The following ZNF334 variants were observed in gnomAD, a reference collection of about 807,000 sequenced individuals.
ZNF334 encodes zinc finger protein 334.
Under a neutral mutation model 12.4 loss-of-function variants are expected in ZNF334, and 14 were observed. The ratio of observed to expected loss-of-function variants is 1.13; its 90% CI spans 0.74 to 1.76. The LOEUF is 1.76. Ranked by LOEUF, ZNF334 falls within the 40% of genes most tolerant of loss-of-function variation. The pLI is 0.00. For missense variants in ZNF334, 797 were observed against 804.5 expected (o/e 0.99, Z 0.11); for synonymous variants, 273 against 269.6 (o/e 1.01, Z -0.12).
intron 2 of ZNF334, among the ~76,000 whole-genome samples, chr20:46,508,723 C>T (rs11086175): frequency 0.46 from 70,026 of 152,010 alleles, 16,466 homozygotes; most frequent in East Asian, 0.62. Context: ...ATGGTAGAGA[C>T]ACTGCAACAT....
chr20:46,503,888 T>C (rs1430859415), intron 4 of ZNF334, among the ~76,000 whole-genome samples: 1 of 152,306 alleles, frequency 6.6e-6, no homozygotes, highest in South Asian at 2.1e-4. Context: ...GTCTGAAATA[T>C]AAACCAAGCC....
chr20:46,506,114 G>A (rs986523709), intron 2 of ZNF334: 2 of 382,146 alleles, frequency 5.2e-6, no homozygotes, highest in Non-Finnish European at 9.3e-6. Context: ...TTACCATGCT[G>A]TGCTTGAAGT....
chr20:46,510,639 T>C (rs367939524), intron 2 of ZNF334, among the ~76,000 whole-genome samples: 1 of 150,382 alleles, frequency 6.6e-6, no homozygotes, highest in South Asian at 2.1e-4. Context: ...GGCAGGAGAA[T>C]GGTGTGAACC....
chr20:46,489,071 G>A, the ZNF334 span, among the ~76,000 whole-genome samples: 3 of 151,978 alleles, frequency 2.0e-5, no homozygotes, highest in Non-Finnish European at 4.4e-5. Flanking sequence ...TACTGTGTTT[G>A]AGAATTTTTT....
At chr20:46,479,760 T>G in the ZNF334 span, among the ~76,000 whole-genome samples, 5 of 152,312 alleles carry the variant, frequency 3.3e-5, no homozygotes, top group South Asian at 1.0e-3. Flanking sequence ...CTTTAAGGTA[T>G]GAAAAGACAC....
rs368311272 is a variant in ZNF334 at position 46,502,724 on chromosome 20, C to G, written c.615G>C (p.Leu205Phe). Residue 205 changes from leucine to phenylalanine, a missense_variant, in exon 5 of 5, where the codon TTG (leucine) becomes TTC (phenylalanine). By Grantham distance (22) the Leu-to-Phe change is conservative. Transcript: ENST00000692313. ...NLILHQNIQI[L>F]KQPFDYNKCG... ...ATTTATTATAGTCAAACGGTTGTTT[C>G]AAAATCTGAATGTTCTGGTGCAGAA... 7.4e-6 allele frequency: 12 copies of G among 1,613,488 alleles called. No homozygotes were observed. Among genetic ancestry groups the G allele is most frequent in the Middle Eastern group, 3.3e-4 (2 of 6,082 alleles).
chr20:46,472,620 T>G, the ZNF334 span, among the ~76,000 whole-genome samples: 1 of 152,160 alleles, frequency 6.6e-6, no homozygotes, highest in Non-Finnish European at 1.5e-5. Context: ...CAAGGATTGG[T>G]AAGAAGGCTA....
the ZNF334 span, among the ~76,000 whole-genome samples, chr20:46,486,941 GCTT>G: frequency 6.6e-6 from 1 of 151,790 alleles, no homozygotes; most frequent in Non-Finnish European, 1.5e-5. Context: ...TTTTTGAATT[GCTT>G]CTTCATGTTC....
the ZNF334 span, among the ~76,000 whole-genome samples, chr20:46,473,140 T>A: frequency 6.6e-6 from 1 of 152,226 alleles, no homozygotes; most frequent in Non-Finnish European, 1.5e-5. Flanking sequence ...ATCCCTCTCT[T>A]TTATAACATT....
chr20:46,508,591 G>C (rs2145992309), intron 2 of ZNF334, among the ~76,000 whole-genome samples: 1 of 152,374 alleles, frequency 6.6e-6, no homozygotes, highest in East Asian at 1.9e-4. Context: ...TCGTTCTTCA[G>C]AGGGGCTCAA....
the ZNF334 span, among the ~76,000 whole-genome samples, chr20:46,468,298 C>T: frequency 5.3e-5 from 8 of 149,744 alleles, no homozygotes; most frequent in African/African-American, 1.5e-4. Context: ...TTTTTTGAGA[C>T]GGAGTCTCGC....
the ZNF334 span, among the ~76,000 whole-genome samples, chr20:46,469,181 TA>T: frequency 6.6e-6 from 1 of 152,156 alleles, no homozygotes; most frequent in Non-Finnish European, 1.5e-5. Flanking sequence ...ACTATACCTG[TA>T]ATAAGAAAAA....
At chr20:46,508,429 C>T (rs939662736) in intron 2 of ZNF334, among the ~76,000 whole-genome samples, 1 of 152,186 alleles carries the variant, frequency 6.6e-6, no homozygotes, top group African/African-American at 2.4e-5. Flanking sequence ...AATATGAGGA[C>T]AGGAATGGGT....
rs1601012143 is a variant in ZNF334 at position 46,501,161 on chromosome 20, G to A, written c.*135C>T. Reference sequence around the variant, plus strand: ...ATGATTTCTCTGATGTTACATTGAGGGTTGACTTATGGCAGAAAAATTTTC... The same window carrying A: ...ATGATTTCTCTGATGTTACATTGAGAGTTGACTTATGGCAGAAAAATTTTC... On this transcript the variant is annotated 3_prime_UTR_variant, in exon 5 of 5. Coordinates refer to ENST00000692313, the MANE Select transcript of ZNF334 (RefSeq NM_001353824.2). The A allele has an allele frequency of 9.8e-7, 1 of 1,023,738 alleles. No individual in the cohort carries two copies. Among genetic ancestry groups the A allele is most frequent in the Non-Finnish European group, 1.4e-6 (1 of 711,616 alleles). 63.4% of individuals were successfully genotyped at this position (1,023,738 alleles called of 1,614,324 possible).
chr20:46,486,831 G>C, the ZNF334 span, among the ~76,000 whole-genome samples: 9,199 of 151,960 alleles, frequency 0.061, 921 homozygotes, highest in African/African-American at 0.21. Context: ...ATTTTAGTTG[G>C]CTCCATTTTG....
chr20:46,504,590 G>GT (rs775676819), intron 3 of ZNF334, 24 bp downstream of exon 3: 1 of 1,570,786 alleles, frequency 6.4e-7, no homozygotes, highest in African/African-American at 1.4e-5. Flanking sequence ...GCTCTTGGGA[G>GT]TTGTACAGGG....
At chr20:46,469,708 C>G in the ZNF334 span, among the ~76,000 whole-genome samples, 20 of 152,068 alleles carry the variant, frequency 1.3e-4, no homozygotes, top group Non-Finnish European at 2.1e-4. Flanking sequence ...TGGCTCTTTG[C>G]CGACTGTGTG....
chr20:46,486,780 C>T, the ZNF334 span, among the ~76,000 whole-genome samples: 88 of 152,240 alleles, frequency 5.8e-4, no homozygotes, highest in Admixed American at 1.8e-3. Flanking sequence ...ACCCACATTA[C>T]TTGTCTTTCC....
At chr20:46,468,148 G>C in the ZNF334 span, among the ~76,000 whole-genome samples, 1 of 152,212 alleles carries the variant, frequency 6.6e-6, no homozygotes, top group Non-Finnish European at 1.5e-5. Flanking sequence ...GGTGGTGTTG[G>C]ACAGTAACTT....
Sources: gnomAD v4.1 joint callset for allele counts (sites outside exome capture counted in the v4.1 genomes callset) on GRCh38, gnomAD v4.1.1 for gene constraint, MANE v1.5 for transcripts, NCBI Gene and HGNC (gene_info 2026-07-23, HGNC 2026-07-21) for gene names.